Variants in CATSPERE observed in about 807,000 individuals in gnomAD.
CATSPERE encodes the protein cation channel sperm-associated auxiliary subunit epsilon.
CATSPERE carries 93 observed loss-of-function variants against 114.1 expected under a neutral mutation model. The ratio of observed to expected loss-of-function variants is 0.81; its 90% CI spans 0.69 to 0.97. The LOEUF (loss-of-function observed/expected upper bound fraction) is 0.97. Among genes scored for constraint, CATSPERE ranks in the 50% least tolerant of loss-of-function variants. The pLI is 0.00. For missense variants in CATSPERE, 1,058 were observed against 1,131.6 expected (o/e 0.93, Z 0.93); for synonymous variants, 341 against 384.1 (o/e 0.89, Z 1.31).
chr1:244,570,436 C>A (rs1466882640), intron 10 of CATSPERE, among the ~76,000 whole-genome samples: 2 of 151,908 alleles, frequency 1.3e-5, no homozygotes, highest in Non-Finnish European at 2.9e-5. Context: ...ATTATTGATT[C>A]TTTACTTCTG....
upstream of CATSPERE, among the ~76,000 whole-genome samples, chr1:244,460,684 C>T (rs571282811): frequency 4.3e-4 from 66 of 152,334 alleles, no homozygotes; most frequent in South Asian, 4.6e-3. Flanking sequence ...GAGGCTGAGG[C>T]GGGTGGATCA....
intron 19 of CATSPERE, among the ~76,000 whole-genome samples, chr1:244,614,223 T>C (rs917973326): frequency 2.0e-5 from 3 of 152,216 alleles, no homozygotes; most frequent in African/African-American, 7.2e-5. Flanking sequence ...CACAGGTCGC[T>C]CAAGCTGTGT....
chr1:244,528,506 T>C (rs1679030439), intron 8 of CATSPERE, among the ~76,000 whole-genome samples: 1 of 152,158 alleles, frequency 6.6e-6, no homozygotes, highest in Non-Finnish European at 1.5e-5. Flanking sequence ...TTTAAATTTT[T>C]AATTTTTGTG....
intron 17 of CATSPERE, chr1:244,598,576 C>T: frequency 3.0e-6 from 1 of 335,824 alleles, no homozygotes. Flanking sequence ...GTCTTGCACC[C>T]ACAGAGACCA....
intron 20 of CATSPERE, among the ~76,000 whole-genome samples, chr1:244,631,795 A>G (rs549635536): frequency 1.3e-5 from 2 of 152,380 alleles, no homozygotes; most frequent in South Asian, 4.1e-4. Flanking sequence ...AACACTGACA[A>G]TATCAAATCT....
chr1:244,553,150 C>G (rs891520563), intron 9 of CATSPERE, among the ~76,000 whole-genome samples: 9 of 152,098 alleles, frequency 5.9e-5, no homozygotes, highest in African/African-American at 1.9e-4. Flanking sequence ...GTTTTTGTTA[C>G]CTGCATAGAA....
chr1:244,556,608 G>A (rs190658420), intron 9 of CATSPERE, among the ~76,000 whole-genome samples: 257 of 152,312 alleles, frequency 1.7e-3, no homozygotes, highest in African/African-American at 6.1e-3. Flanking sequence ...AGGGGAAACA[G>A]ATCCAGACCA....
At chr1:244,597,524 T>C (rs1459133420) in intron 17 of CATSPERE, among the ~76,000 whole-genome samples, 8 of 119,982 alleles carry the variant, frequency 6.7e-5, no homozygotes, top group Non-Finnish European at 1.3e-4. Flanking sequence ...ACTTAGTTCC[T>C]CCCTGATTTC....
At chr1:244,466,070 T>A (rs1030706535) in intron 2 of CATSPERE, among the ~76,000 whole-genome samples, 10 of 152,220 alleles carry the variant, frequency 6.6e-5, no homozygotes, top group African/African-American at 2.2e-4. Flanking sequence ...AAATGCCTTT[T>A]CACAGTCTAC....
chr1:244,492,476 A>G (rs1572383719), intron 6 of CATSPERE, among the ~76,000 whole-genome samples: 24 of 137,494 alleles, frequency 1.7e-4, no homozygotes, highest in Admixed American at 4.4e-4. Flanking sequence ...TGACAAACCC[A>G]CAGCCAATAT....
chr1:244,500,442 T>C (rs1040580400), intron 7 of CATSPERE, among the ~76,000 whole-genome samples: 1 of 152,206 alleles, frequency 6.6e-6, no homozygotes, highest in African/African-American at 2.4e-5. Flanking sequence ...TGAATGGTAT[T>C]GCCTAGGTTT....
At chr1:244,528,522 ATAG>A (rs897993647) in intron 8 of CATSPERE, among the ~76,000 whole-genome samples, 6 of 152,092 alleles carry the variant, frequency 3.9e-5, no homozygotes, top group African/African-American at 1.2e-4. Flanking sequence ...TTGTGGGTAC[ATAG>A]TAGGTATATA....
intron 20 of CATSPERE, among the ~76,000 whole-genome samples, chr1:244,618,333 CAA>C (rs760349771): frequency 2.6e-5 from 4 of 152,046 alleles, no homozygotes; most frequent in Non-Finnish European, 5.9e-5. Context: ...AGGTAGAAAA[CAA>C]AGGAAGGAGA....
At chr1:244,635,738 C>A (rs866376860) in intron 21 of CATSPERE, among the ~76,000 whole-genome samples, 196 bp downstream of exon 21, 1 of 152,104 alleles carries the variant, frequency 6.6e-6, no homozygotes, top group Non-Finnish European at 1.5e-5. Context: ...AAAACAACAA[C>A]AAAAAACTTG....
Position 244,489,951 on chromosome 1 carries a change from T to A in CATSPERE, c.327-496T>A, listed in dbSNP as rs533165553. Among the ~76,000 whole-genome samples the A allele has an allele frequency of 1.1e-4, 17 of 152,284 alleles. No homozygotes were observed. In the South Asian group the frequency reaches 1.4e-3, roughly 13 times the overall value. ...AATGAGAAAAGAAATAGATTAGCAC[T>A]GAGTATTAAGAAACCTCAACATTTA... On this transcript the variant is annotated intron_variant, in intron 5 of 21. Transcript: ENST00000366534.
At chr1:244,528,785 C>CCACACACG (rs749801424) in intron 8 of CATSPERE, among the ~76,000 whole-genome samples, 1 of 130,536 alleles carries the variant, frequency 7.7e-6, no homozygotes, top group Admixed American at 7.8e-5. Context: ...CAATCCCCCA[C>CCACACACG]CACACACACA....
chr1:244,479,817 CT>C, intron 5 of CATSPERE, 33 bp downstream of exon 5: 1 of 1,209,922 alleles, frequency 8.3e-7, no homozygotes. Flanking sequence ...GGTAATTATG[CT>C]TTTAAAGAGT....
chr1:244,481,685 C>T (rs1287867689), intron 5 of CATSPERE, among the ~76,000 whole-genome samples: 2 of 152,062 alleles, frequency 1.3e-5, no homozygotes, highest in South Asian at 2.1e-4. Context: ...CTGAAGGTCA[C>T]GCCTTTGGGA....
chr1:244,453,889 T>C (rs1572164595), upstream of CATSPERE, among the ~76,000 whole-genome samples: 1 of 150,384 alleles, frequency 6.6e-6, no homozygotes, highest in South Asian at 2.1e-4. Flanking sequence ...CCTGGGGGGG[T>C]CTCATTTGGC....
Sources: allele counts gnomAD v4.1 joint callset (sites outside exome capture counted in the v4.1 genomes callset), GRCh38; gene constraint gnomAD v4.1.1; transcripts MANE v1.5; gene names NCBI Gene and HGNC (gene_info 2026-07-23, HGNC 2026-07-21).